Variants in XIRP2 observed in about 807,000 individuals in gnomAD.
The protein encoded by XIRP2 is xin actin-binding repeat-containing protein 2.
In XIRP2, 236 loss-of-function variants were observed where a neutral mutation model predicts 277.0. That is an observed-to-expected ratio of 0.85 (90% CI 0.77 to 0.95). XIRP2 has a LOEUF of 0.95. Ranked by LOEUF, XIRP2 falls within the 40% of genes least tolerant of loss-of-function variation. The pLI, the probability that XIRP2 is intolerant of heterozygous loss-of-function variation, is 0.00. For missense variants in XIRP2, 4,640 were observed against 4,157.5 expected (o/e 1.12, Z -3.19); for synonymous variants, 1,490 against 1,416.5 (o/e 1.05, Z -1.17).
At chr2:166,892,019 G>A (rs746754415) in intron 1 of XIRP2, among the ~76,000 whole-genome samples, 4 of 151,946 alleles carry the variant, frequency 2.6e-5, no homozygotes, top group South Asian at 4.2e-4. Context: ...CACAATCTTC[G>A]TCTGTTCTGT....
chr2:166,916,045 A>G (rs956737006), intron 2 of XIRP2, among the ~76,000 whole-genome samples: 7 of 152,204 alleles, frequency 4.6e-5, no homozygotes, highest in South Asian at 2.1e-4. Flanking sequence ...ATGTGCATCA[A>G]TGATTAAATA....
At chr2:167,180,701 T>C (rs1203539859) in intron 3 of XIRP2, among the ~76,000 whole-genome samples, 3 of 152,228 alleles carry the variant, frequency 2.0e-5, no homozygotes. Context: ...TGATCAGTTC[T>C]GTGCCTCATT....
intron 2 of XIRP2, among the ~76,000 whole-genome samples, chr2:167,109,522 C>T (rs1690697066): frequency 6.6e-6 from 1 of 152,228 alleles, no homozygotes; most frequent in Non-Finnish European, 1.5e-5. Flanking sequence ...CTCAGGTGAT[C>T]TGCCCACCTT....
intron 2 of XIRP2, among the ~76,000 whole-genome samples, chr2:167,067,463 C>T (rs1004800348): frequency 3.3e-5 from 5 of 152,182 alleles, no homozygotes; most frequent in East Asian, 3.9e-4. Flanking sequence ...ATAATACAGG[C>T]GTACCTCTGA....
At chr2:166,995,686 G>T (rs570990658) in intron 2 of XIRP2, among the ~76,000 whole-genome samples, 2 of 152,236 alleles carry the variant, frequency 1.3e-5, no homozygotes, top group Non-Finnish European at 2.9e-5. Flanking sequence ...TAACACTTTT[G>T]TTGTGAAAGT....
intron 2 of XIRP2, among the ~76,000 whole-genome samples, chr2:166,961,393 A>C (rs1686292950): frequency 6.6e-6 from 1 of 151,702 alleles, no homozygotes; most frequent in Non-Finnish European, 1.5e-5. Flanking sequence ...AGGTTGCTTT[A>C]AATTGTTCTT....
chr2:167,015,318 G>A (rs1434112873), intron 2 of XIRP2, among the ~76,000 whole-genome samples: 3 of 151,766 alleles, frequency 2.0e-5, no homozygotes, highest in African/African-American at 7.3e-5. Flanking sequence ...ACTTTGAGGT[G>A]TCTTCAATAT....
chr2:167,151,644 A>C (rs1314130321), intron 3 of XIRP2, among the ~76,000 whole-genome samples: 1 of 152,164 alleles, frequency 6.6e-6, no homozygotes, highest in Non-Finnish European at 1.5e-5. Context: ...TCATCCTCTT[A>C]GTATGATTAT....
At chr2:167,097,019 C>T (rs1690338213) in intron 2 of XIRP2, among the ~76,000 whole-genome samples, 1 of 152,100 alleles carries the variant, frequency 6.6e-6, no homozygotes, top group Non-Finnish European at 1.5e-5. Flanking sequence ...AATGTATATT[C>T]TGTTGATTTT....
intron 2 of XIRP2, among the ~76,000 whole-genome samples, chr2:166,950,131 T>C (rs551522478): frequency 2.6e-5 from 4 of 152,174 alleles, no homozygotes; most frequent in Admixed American, 2.6e-4. Context: ...AATTCTAAGA[T>C]ATTACTCTAC....
chr2:166,947,241 C>CA, intron 2 of XIRP2, among the ~76,000 whole-genome samples: 1 of 152,256 alleles, frequency 6.6e-6, no homozygotes, highest in South Asian at 2.1e-4. Context: ...ACCTTTACAA[C>CA]AGGAGTTCAA....
chr2:167,127,774 T>A (rs1417936665), intron 2 of XIRP2, among the ~76,000 whole-genome samples: 2 of 152,220 alleles, frequency 1.3e-5, no homozygotes, highest in African/African-American at 4.8e-5. Flanking sequence ...AACTCCAGCA[T>A]CATTTTTAAA....
At chr2:167,032,468 G>A (rs1477608217) in intron 2 of XIRP2, among the ~76,000 whole-genome samples, 3 of 152,050 alleles carry the variant, frequency 2.0e-5, no homozygotes, top group African/African-American at 7.2e-5. Context: ...TTAAACTAAA[G>A]AGCTTCTGCA....
intron 3 of XIRP2, among the ~76,000 whole-genome samples, chr2:167,156,812 C>A (rs1046193816): frequency 6.6e-6 from 1 of 152,094 alleles, no homozygotes; most frequent in Non-Finnish European, 1.5e-5. Flanking sequence ...GCTGACCTAT[C>A]AACCTGAAAT....
chr2:166,914,410 G>A (rs771519111), intron 2 of XIRP2, among the ~76,000 whole-genome samples: 16 of 152,056 alleles, frequency 1.1e-4, no homozygotes, highest in Non-Finnish European at 1.6e-4. Flanking sequence ...GTTTGATCTC[G>A]GCTCACTGCA....
At chr2:166,981,863 A>C (rs1686878418) in intron 2 of XIRP2, among the ~76,000 whole-genome samples, 1 of 152,236 alleles carries the variant, frequency 6.6e-6, no homozygotes, top group Admixed American at 6.5e-5. Context: ...GATGCTACTC[A>C]ACATAGTACA....
chr2:167,085,899 T>A (rs984924079), intron 2 of XIRP2, among the ~76,000 whole-genome samples: 10 of 152,210 alleles, frequency 6.6e-5, no homozygotes, highest in African/African-American at 2.4e-4. Flanking sequence ...TTTATCCAAT[T>A]TGCCAGTCTG....
chr2:167,246,901 A>G lies in XIRP2; in HGVS notation c.5509A>G (p.Ile1837Val). The change falls in exon 9 of 11, where the codon ATA becomes GTA. Residue 1837 changes from isoleucine (I) to valine (V), a missense_variant. Ile to Val is a conservative substitution (Grantham distance 29). Transcript: ENST00000409195. ...TFGKIPKEEI[I>V]KGDLTSTLNS... ...TGGTAAGATACCCAAAGAAGAGATT[A>G]TAAAAGGTGATTTGACATCAACCCT... 1.2e-6 allele frequency: 2 copies of G among 1,613,516 alleles called. No homozygotes were observed. Among genetic ancestry groups the G allele is most frequent in the Non-Finnish European group, 1.7e-6 (2 of 1,179,808 alleles).
chr2:167,127,283 A>G (rs1396676673), intron 2 of XIRP2, among the ~76,000 whole-genome samples: 11 of 152,070 alleles, frequency 7.2e-5, no homozygotes, highest in Non-Finnish European at 4.4e-5. Flanking sequence ...ATGCACATGA[A>G]ACATAAGGTA....
Sources: allele counts gnomAD v4.1 joint callset (sites outside exome capture counted in the v4.1 genomes callset), GRCh38; gene constraint gnomAD v4.1.1; transcripts MANE v1.5; gene names NCBI Gene and HGNC (gene_info 2026-07-23, HGNC 2026-07-21).